The following NF2 variants were observed in gnomAD, a reference collection of about 807,000 sequenced individuals.
NF2 encodes NF2, moesin-ezrin-radixin like (MERLIN) tumor suppressor.
Under a neutral mutation model 83.7 loss-of-function variants are expected in NF2, and 8 were observed. The observed-to-expected ratio is 0.10, with a 90% confidence interval of 0.06 to 0.17. The LOEUF (loss-of-function observed/expected upper bound fraction) is 0.17, where lower values mean the gene tolerates loss of function less well. NF2 is among the 10% of genes least tolerant of loss of function. NF2 has a pLI of 1.00. For missense variants in NF2, 533 were observed against 744.4 expected, an observed-to-expected ratio of 0.72 and a Z score of 3.31; for synonymous variants, 266 against 269.6, an observed-to-expected ratio of 0.99 and a Z score of 0.13.
chr22:29,640,939 C>A (rs376622891), intron 3 of NF2, among the ~76,000 whole-genome samples: 1 of 151,982 alleles, frequency 6.6e-6, no homozygotes, highest in African/African-American at 2.4e-5. Flanking sequence ...TTTGAGACCA[C>A]CCTGACCAAC....
intron 1 of NF2, among the ~76,000 whole-genome samples, chr22:29,606,048 G>A (rs1029837779): frequency 2.0e-5 from 3 of 151,852 alleles, no homozygotes; most frequent in South Asian, 2.1e-4. Flanking sequence ...TCTGCTTCCC[G>A]GGTTCAAGCG....
chr22:29,644,084 C>T (rs74402811), intron 4 of NF2, among the ~76,000 whole-genome samples: 10,865 of 150,586 alleles, frequency 0.072, 413 homozygotes, highest in African/African-American at 0.079. Flanking sequence ...ACTTCCCAGA[C>T]GGGGTGGCTG....
intron 1 of NF2, among the ~76,000 whole-genome samples, chr22:29,633,357 C>G (rs775887451): frequency 6.6e-6 from 1 of 152,168 alleles, no homozygotes; most frequent in Non-Finnish European, 1.5e-5. Context: ...ACCTGGTACT[C>G]AAGCCAGACA....
At chr22:29,657,506 C>T (rs1003464141) in intron 6 of NF2, among the ~76,000 whole-genome samples, 5 of 152,192 alleles carry the variant, frequency 3.3e-5, no homozygotes, top group African/African-American at 1.2e-4. Context: ...CAACACTTGG[C>T]GTTCTCTCAG....
At chr22:29,609,408 C>A in intron 1 of NF2, 1 of 537,734 alleles carries the variant, frequency 1.9e-6, no homozygotes, top group African/African-American at 1.9e-5. Context: ...TTGTGTCTGG[C>A]AGTGCTATGG....
chr22:29,667,414 T>C (rs1358183962), intron 9 of NF2, among the ~76,000 whole-genome samples: 2 of 151,884 alleles, frequency 1.3e-5, no homozygotes, highest in Non-Finnish European at 2.9e-5. Flanking sequence ...ATTTTTTGTA[T>C]TTTTTTTATA....
chr22:29,690,937 A>C (rs2067387998), intron 15 of NF2, among the ~76,000 whole-genome samples: 1 of 152,166 alleles, frequency 6.6e-6, no homozygotes, highest in East Asian at 1.9e-4. Flanking sequence ...ATTCAGTGAA[A>C]GTTTTGAAGG....
intron 13 of NF2, among the ~76,000 whole-genome samples, chr22:29,677,423 T>G (rs1157295748): frequency 6.6e-6 from 1 of 151,698 alleles, no homozygotes; most frequent in East Asian, 1.9e-4. Flanking sequence ...TGTGACTTAG[T>G]AGGGCAAATA....
chr22:29,694,611 C>A lies in NF2; in HGVS notation c.1738-141C>A. 1.2e-6 allele frequency: 1 copy of A among 842,702 alleles called. No individual in the cohort carries two copies. The allele number at this position is 842,702 out of a possible 1,614,324, so 52.2% of individuals were successfully genotyped here. A position where few individuals can be genotyped will look rare whatever the true frequency, so the allele number is the denominator to read the frequency against. On this transcript the variant is annotated intron_variant, in intron 15 of 15. Transcript: ENST00000338641. This position sits in a 1 kb window ranked among gnomAD's most constrained non-coding sequence, Gnocchi z 4.1. ...CTGGCCGCTTATTTGGGACTGACAG[C>A]CAACTTCTTGAGCATCTATTTGAAC... is the stretch of plus-strand genomic sequence containing the variant.
In NF2 at chr22:29,655,603, C is replaced by T. The variant is rs756922719; in HGVS notation, c.526C>T (p.Leu176=). ...EELLPKRVIN[L]YQMTPEMWEE... is the part of the protein sequence containing the mutation. ...CTCTATTTTTTGGTAGGTAATAAAT[C>T]TGTATCAGATGACTCCGGAAATGTG... The change falls in exon 6 of 16, where the codon CTG becomes TTG. Residue 176 remains leucine, a synonymous_variant. Coordinates refer to ENST00000338641, the MANE Select transcript of NF2 (RefSeq NM_000268.4). 6.2e-7 allele frequency: 1 copy of T among 1,613,406 alleles called. No homozygotes were observed. Among genetic ancestry groups the T allele is most frequent in the East Asian group, 2.2e-5 (1 of 44,866 alleles).
intron 4 of NF2, among the ~76,000 whole-genome samples, chr22:29,643,727 T>TGA (rs2065881573): frequency 6.6e-6 from 1 of 152,232 alleles, no homozygotes; most frequent in Non-Finnish European, 1.5e-5. Flanking sequence ...GATTTCTCAA[T>TGA]CTTTTCCCCA....
At chr22:29,639,881 CAAAAAAAAAAAA>C (rs763315832) in intron 3 of NF2, among the ~76,000 whole-genome samples, 1 of 21,188 alleles carries the variant, frequency 4.7e-5, no homozygotes, top group South Asian at 1.8e-3. Context: ...GGTTCCGTCT[CAAAAAAAAAAAA>C]AAAAAAAAAA....
intron 10 of NF2, among the ~76,000 whole-genome samples, chr22:29,670,473 A>G (rs1435394106): frequency 6.9e-6 from 1 of 144,596 alleles, no homozygotes; most frequent in Non-Finnish European, 1.5e-5. Flanking sequence ...TCACTGTTTT[A>G]TTGCTTGTCT....
At chr22:29,675,955 C>T (rs2024120) in intron 13 of NF2, among the ~76,000 whole-genome samples, 14,320 of 152,038 alleles carry the variant, frequency 0.094, 1,053 homozygotes, top group East Asian at 0.38. Context: ...CCGTATATCC[C>T]GGTTCTCCGT....
chr22:29,659,739 A>G (rs1268280788), intron 7 of NF2, among the ~76,000 whole-genome samples: 1 of 152,322 alleles, frequency 6.6e-6, no homozygotes, highest in African/African-American at 2.4e-5. Context: ...TTTTTTAAAA[A>G]TTTAAACTAA....
intron 4 of NF2, among the ~76,000 whole-genome samples, chr22:29,643,121 C>G (rs2065859076): frequency 6.6e-6 from 1 of 151,978 alleles, no homozygotes; most frequent in Non-Finnish European, 1.5e-5. Context: ...TCCTTGATTA[C>G]TTGTGTGATT....
intron 8 of NF2, among the ~76,000 whole-genome samples, chr22:29,663,672 G>A (rs2066538669): frequency 6.6e-6 from 1 of 152,198 alleles, no homozygotes; most frequent in African/African-American, 2.4e-5. Flanking sequence ...AGTTAACTTG[G>A]CTGAAAGCTA....
intron 4 of NF2, among the ~76,000 whole-genome samples, chr22:29,648,993 CTGT>C (rs1006304280): frequency 6.6e-6 from 1 of 152,102 alleles, no homozygotes; most frequent in African/African-American, 2.4e-5. Flanking sequence ...GTTTTTCTTT[CTGT>C]TGTTTTTCTA....
chr22:29,608,105 G>A (rs1259489820), intron 1 of NF2, among the ~76,000 whole-genome samples: 16 of 142,030 alleles, frequency 1.1e-4, no homozygotes, highest in African/African-American at 2.6e-4. Context: ...CCTGGGAGGC[G>A]GAGGTTGCAG....
Sources: gnomAD v4.1 joint callset for allele counts (sites outside exome capture counted in the v4.1 genomes callset) on GRCh38, gnomAD v4.1.1 for gene constraint, Gnocchi (gnomAD v3.1) non-coding constraint, MANE v1.5 for transcripts, NCBI Gene and HGNC (gene_info 2026-07-23, HGNC 2026-07-21) for gene names.